The following ATM variants were observed in gnomAD, a reference collection of about 807,000 sequenced individuals.
ATM encodes the protein serine-protein kinase ATM.
Under a neutral mutation model 387.0 loss-of-function variants are expected in ATM, and 308 were observed. The observed-to-expected ratio is 0.80, with a 90% CI of 0.73 to 0.87. ATM has a LOEUF of 0.87. Among genes scored for constraint, ATM ranks in the 40% least tolerant of loss-of-function variants. The pLI, the probability that ATM is intolerant of heterozygous loss-of-function variation, is 0.00. For missense variants in ATM, 3,312 were observed against 3,560.9 expected (o/e 0.93, Z 1.78); for synonymous variants, 1,156 against 1,187.3 (o/e 0.97, Z 0.54).
chr11:108,297,150 T>C lies in ATM; in HGVS notation c.4910-137T>C, dbSNP rs1039631699. The C allele has an allele frequency of 1.5e-5, 10 of 658,178 alleles. No individual in the cohort carries two copies. In the African/African-American group the frequency reaches 1.8e-4, roughly 12 times the overall value. 40.8% of individuals were successfully genotyped at this position (658,178 alleles called of 1,614,324 possible). On this transcript the variant is annotated intron_variant, in intron 32 of 62. Coordinates refer to ENST00000675843, the MANE Select transcript of ATM (RefSeq NM_000051.4). The stretch of plus-strand genomic sequence containing the variant: ...TTCAGATTCATTCCCTACATATTTT[T>C]TGAGCTACTCATGACTTAAAACCTT...
At chr11:108,245,135 C>G in intron 7 of ATM, 109 bp downstream of exon 7, 1 of 910,002 alleles carries the variant, frequency 1.1e-6, no homozygotes, top group African/African-American at 1.7e-5. Context: ...CTGGATTTCT[C>G]TGGTTGATAA....
rs534271981 is a variant in ATM, at chr11:108,266,438, G to C, written c.2467-733G>C. Among the ~76,000 whole-genome samples, 24 of 144,416 alleles carry C rather than the reference G, an allele frequency of 1.7e-4. No homozygotes were observed. In the South Asian group the frequency reaches 5.2e-3, roughly 31 times the overall value. The allele number at this position is 144,416 out of a possible 152,430, so 94.7% of individuals were successfully genotyped here. ...CTCATAGGTGGGAATTGAACAATGAGATCACATGGACACAGGAAGGGGAAT... is the reference window on the plus strand; with the variant it reads ...CTCATAGGTGGGAATTGAACAATGACATCACATGGACACAGGAAGGGGAAT... On this transcript the variant is annotated intron_variant, in intron 16 of 62. Coordinates refer to ENST00000675843, the MANE Select transcript of ATM (RefSeq NM_000051.4).
intron 42 of ATM, among the ~76,000 whole-genome samples, chr11:108,316,881 G>A (rs1046542219): frequency 9.9e-5 from 15 of 151,654 alleles, no homozygotes; most frequent in South Asian, 6.2e-4. Flanking sequence ...AGCCGAGATC[G>A]CGCCACTGCA....
chr11:108,265,328 G>A (rs1054400385), intron 16 of ATM, among the ~76,000 whole-genome samples: 3 of 152,062 alleles, frequency 2.0e-5, no homozygotes, highest in Admixed American at 6.6e-5. Flanking sequence ...AAATAACGCT[G>A]CATATCTACA....
chr11:108,333,838 A>T, intron 53 of ATM, 48 bp from the exon 54 acceptor site: 1 of 1,429,360 alleles, frequency 7.0e-7, no homozygotes, highest in East Asian at 2.3e-5. Flanking sequence ...TTGACCTTCA[A>T]TGCTGTTCCT....
chr11:108,226,638 T>G (rs2078751847), intron 1 of ATM: 1 of 152,170 alleles, frequency 6.6e-6, no homozygotes, highest in Non-Finnish European at 1.5e-5. Flanking sequence ...ACCTCCTACT[T>G]ATCAGCTCCA....
intron 61 of ATM, among the ~76,000 whole-genome samples, chr11:108,362,591 C>T (rs2090900712): frequency 6.7e-6 from 1 of 149,874 alleles, no homozygotes; most frequent in African/African-American, 2.5e-5. Flanking sequence ...AAATGTAGCA[C>T]ATATACACCA....
intron 16 of ATM, among the ~76,000 whole-genome samples, chr11:108,259,501 T>C (rs1336162859): frequency 6.6e-6 from 1 of 152,052 alleles, no homozygotes; most frequent in Non-Finnish European, 1.5e-5. Flanking sequence ...TAAAAAAATT[T>C]AAAAAATTAA....
In ATM at chr11:108,316,094, G is replaced by T. The variant is rs376521407; in HGVS notation, c.6179G>T (p.Arg2060Leu). ...DLETAIPSST[R>L]QAGIIQALQN... ...GAAACAGCAATCCCCTCATCAACAC[G>T]CCAGGCAGGAATCATTCAGGTACAT... The change falls in exon 42 of 63, where the codon CGC becomes CTC. Residue 2060 changes from arginine to leucine, a missense_variant. Around this residue, in one of 4 missense-constraint regions of ATM, gnomAD observed 1,405 missense variants for 1,604.4 expected, o/e 0.88. Coordinates refer to ENST00000675843, the MANE Select transcript of ATM (RefSeq NM_000051.4). 2 of 1,613,980 alleles carry T rather than the reference G, an allele frequency of 1.2e-6. No homozygotes were observed. Among genetic ancestry groups the T allele is most frequent in the East Asian group, 4.5e-5 (2 of 44,868 alleles).
At chr11:108,233,065 T>C (rs1346500920) in intron 4 of ATM, among the ~76,000 whole-genome samples, 1 of 152,122 alleles carries the variant, frequency 6.6e-6, no homozygotes, top group Non-Finnish European at 1.5e-5. Flanking sequence ...TTTCACCACA[T>C]TGGTCAGGCT....
In ATM at chr11:108,282,838, T is replaced by A. The variant is rs745971646; in HGVS notation, c.3705T>A (p.Pro1235=). 1 of 1,529,716 alleles carries A rather than the reference T, an allele frequency of 6.5e-7. No individual in the cohort carries two copies. Among genetic ancestry groups the A allele is most frequent in the South Asian group, 1.1e-5 (1 of 88,574 alleles). The allele number at this position is 1,529,716 out of a possible 1,614,324, so 94.8% of individuals were successfully genotyped here. Residue 1235 remains proline, a synonymous_variant, in exon 25 of 63, where the codon CCT becomes CCA. Transcript: ENST00000675843. Reference sequence around the variant, plus strand: ...CTGAATACAACTTATCTTCTTTTCCTTTTATTTTATTAAACTACACAAATA... The same window carrying A: ...CTGAATACAACTTATCTTCTTTTCCATTTATTTTATTAAACTACACAAATA... ...QDTEYNLSSF[P]FILLNYTNIE...
intron 48 of ATM, 41 bp from the exon 49 acceptor site, chr11:108,328,980 T>C: frequency 1.3e-6 from 2 of 1,545,554 alleles, no homozygotes; most frequent in Non-Finnish European, 1.8e-6. Context: ...ATGTATTTAG[T>C]ATTTGTAAAT....
intron 40 of ATM, among the ~76,000 whole-genome samples, chr11:108,315,067 T>G (rs1014596456): frequency 6.6e-6 from 1 of 152,180 alleles, no homozygotes; most frequent in Non-Finnish European, 1.5e-5. Flanking sequence ...AGGCTTATAG[T>G]ATTGCAGTAA....
At chr11:108,304,933 G>A in intron 37 of ATM, 81 bp downstream of exon 37, 1 of 1,475,430 alleles carries the variant, frequency 6.8e-7, no homozygotes, top group Non-Finnish European at 9.3e-7. Flanking sequence ...CCCACTAAAA[G>A]CACTTTACAG....
chr11:108,325,243 TAC>T (rs1490696888), intron 45 of ATM, 65 bp from the exon 46 acceptor site: 19 of 1,070,298 alleles, frequency 1.8e-5, no homozygotes, highest in Non-Finnish European at 1.9e-5. Context: ...TTCCAGAACT[TAC>T]ATAGTTTTTT....
intron 34 of ATM, 152 bp downstream of exon 34, chr11:108,300,037 ATAAT>A (rs1365257744): frequency 1.3e-6 from 1 of 761,114 alleles, no homozygotes; most frequent in African/African-American, 1.8e-5. Context: ...ATTAATTCAC[ATAAT>A]TATTTACCCT....
chr11:108,229,394 A>G (rs2135042122), intron 4 of ATM, 71 bp downstream of exon 4: 1 of 920,154 alleles, frequency 1.1e-6, no homozygotes. Flanking sequence ...TTTTTTTTTC[A>G]GATCATTTTA....
intron 61 of ATM, among the ~76,000 whole-genome samples, chr11:108,358,767 G>A (rs1433688011): frequency 2.0e-5 from 3 of 147,364 alleles, no homozygotes; most frequent in Non-Finnish European, 4.5e-5. Flanking sequence ...TCACCACCAG[G>A]CCTACCCTAA....
chr11:108,348,914 A>T (rs11825355), intron 59 of ATM, among the ~76,000 whole-genome samples: 3,391 of 152,338 alleles, frequency 0.022, 94 homozygotes, highest in African/African-American at 0.07. Flanking sequence ...TGGTTTGGTT[A>T]CTAACCACAT....
Sources: gnomAD v4.1 joint callset for allele counts (sites outside exome capture counted in the v4.1 genomes callset) on GRCh38, gnomAD v4.1.1 for gene constraint, gnomAD v4.1.1 regional missense constraint, MANE v1.5 for transcripts, NCBI Gene and HGNC (gene_info 2026-07-23, HGNC 2026-07-21) for gene names.